The following PDE6A variants were observed in gnomAD, a reference collection of about 807,000 sequenced individuals.
PDE6A encodes rod cGMP-specific 3',5'-cyclic phosphodiesterase subunit alpha.
In PDE6A, 84 loss-of-function variants were observed where a neutral mutation model predicts 106.3. That is an observed-to-expected ratio of 0.79 (90% CI 0.66 to 0.95). PDE6A has a LOEUF of 0.95. Ranked by LOEUF, PDE6A falls within the 40% of genes least tolerant of loss-of-function variation. The pLI, the probability that PDE6A is intolerant of heterozygous loss-of-function variation, is 0.00. For synonymous variants in PDE6A, 394 were observed against 386.6 expected, an observed-to-expected ratio of 1.02 and a Z score of -0.23; for missense variants, 1,052 against 1,084.9, an observed-to-expected ratio of 0.97 and a Z score of 0.43.
At chr5:149,886,864 C>G (rs1004994723) in intron 13 of PDE6A, among the ~76,000 whole-genome samples, 2 of 152,200 alleles carry the variant, frequency 1.3e-5, no homozygotes, top group African/African-American at 4.8e-5. Flanking sequence ...CTTGTTGATG[C>G]TGGGTGTTGA....
At chr5:149,900,984 C>T (rs527953917) in intron 8 of PDE6A, among the ~76,000 whole-genome samples, 2 of 152,206 alleles carry the variant, frequency 1.3e-5, no homozygotes, top group South Asian at 2.1e-4. Context: ...GGCACTATCT[C>T]GGCTCATTGC....
rs1414649334 is a variant in PDE6A at position 149,860,570 on chromosome 5, A to C, written c.*325T>G. On this transcript the variant is annotated 3_prime_UTR_variant, in exon 22 of 22. Coordinates refer to ENST00000255266, the MANE Select transcript of PDE6A (RefSeq NM_000440.3). ...GTTCAACCCACGGCCCGTGGGCCACATGCAGCCCAGGACGGCTTTGAATGC... is the reference window on the plus strand; with the variant it reads ...GTTCAACCCACGGCCCGTGGGCCACCTGCAGCCCAGGACGGCTTTGAATGC... 4.1e-6 allele frequency: 1 copy of C among 245,934 alleles called. No individual in the cohort carries two copies. Among genetic ancestry groups the C allele is most frequent in the Non-Finnish European group, 7.9e-6 (1 of 126,920 alleles). The allele number at this position is 245,934 out of a possible 1,614,324, so 15.2% of individuals were successfully genotyped here.
chr5:149,920,993 A>AGAAAGAAAGAAG (rs1561769576), intron 5 of PDE6A, among the ~76,000 whole-genome samples: 2 of 99,196 alleles, frequency 2.0e-5, no homozygotes, highest in Non-Finnish European at 3.3e-5. Context: ...AAAGAAAGAA[A>AGAAAGAAAGAAG]GAAAAAGAAA....
intron 7 of PDE6A, among the ~76,000 whole-genome samples, chr5:149,904,324 A>G (rs1442720403): frequency 6.6e-6 from 1 of 152,218 alleles, no homozygotes; most frequent in Non-Finnish European, 1.5e-5. Flanking sequence ...ATAAACCCCA[A>G]AGTAGAATAA....
At chr5:149,922,572 A>G (rs1753754457) in intron 4 of PDE6A, among the ~76,000 whole-genome samples, 1 of 152,190 alleles carries the variant, frequency 6.6e-6, no homozygotes, top group Middle Eastern at 3.2e-3. Flanking sequence ...TCAGCCTCCC[A>G]AAGTGCTGGG....
intron 13 of PDE6A, among the ~76,000 whole-genome samples, chr5:149,892,147 TA>T (rs996904985): frequency 6.6e-6 from 1 of 152,044 alleles, no homozygotes; most frequent in African/African-American, 2.4e-5. Context: ...CCCATCTCTC[TA>T]AAAAACAAAA....
intron 13 of PDE6A, among the ~76,000 whole-genome samples, chr5:149,892,287 G>A (rs2113574091): frequency 6.6e-6 from 1 of 152,084 alleles, no homozygotes; most frequent in East Asian, 1.9e-4. Flanking sequence ...CTGCTTTCCG[G>A]ACTGGGCAAC....
intron 5 of PDE6A, among the ~76,000 whole-genome samples, chr5:149,920,158 T>C (rs1384535522): frequency 6.6e-6 from 1 of 151,890 alleles, no homozygotes. Context: ...CAAGACCTCA[T>C]CTCTATATAA....
chr5:149,873,765 C>T (rs541787930), intron 17 of PDE6A, among the ~76,000 whole-genome samples: 1 of 152,130 alleles, frequency 6.6e-6, no homozygotes, highest in Non-Finnish European at 1.5e-5. Flanking sequence ...TTTGGTCAGA[C>T]TGTCAGAAGC....
intron 13 of PDE6A, among the ~76,000 whole-genome samples, chr5:149,893,340 C>T (rs370790199): frequency 5.2e-4 from 79 of 152,272 alleles, no homozygotes; most frequent in Admixed American, 3.1e-3. Context: ...TGGACTCCTT[C>T]GGGTAAAGCT....
intron 2 of PDE6A, 29 bp from the exon 3 acceptor site, chr5:149,934,048 A>G (rs768302464): frequency 6.3e-6 from 8 of 1,263,418 alleles, no homozygotes; most frequent in Middle Eastern, 1.8e-4. Context: ...GAGGGGAGGC[A>G]GGTGAGAAGA....
chr5:149,885,409 G>T (rs955428553), intron 14 of PDE6A, among the ~76,000 whole-genome samples: 3 of 152,212 alleles, frequency 2.0e-5, no homozygotes, highest in Non-Finnish European at 4.4e-5. Flanking sequence ...ATTAGCCCCT[G>T]CTCTGCCCAG....
At chr5:149,937,320 G>A (rs1754211749) in intron 1 of PDE6A, among the ~76,000 whole-genome samples, 1 of 152,226 alleles carries the variant, frequency 6.6e-6, no homozygotes, top group South Asian at 2.1e-4. Context: ...GCAGGCAGGG[G>A]CCAGATCCAG....
At chr5:149,873,999 C>T (rs1760649449) in intron 17 of PDE6A, among the ~76,000 whole-genome samples, 1 of 150,508 alleles carries the variant, frequency 6.6e-6, no homozygotes, top group Non-Finnish European at 1.5e-5. Flanking sequence ...GAGCAAGACC[C>T]TGTCTCTAAA....
intron 2 of PDE6A, 138 bp downstream of exon 2, chr5:149,934,428 C>A (rs1254181710): frequency 1.2e-6 from 1 of 846,566 alleles, no homozygotes; most frequent in East Asian, 2.4e-5. Context: ...TATCCTGCCT[C>A]CCTCAGAGAA....
At chr5:149,895,355 A>C in intron 12 of PDE6A, 65 bp from the exon 13 acceptor site, 1 of 1,107,962 alleles carries the variant, frequency 9.0e-7, no homozygotes, top group Non-Finnish European at 1.4e-6. Flanking sequence ...GGTTGGAATA[A>C]CAAAAATATG....
chr5:149,902,338 C>T (rs746331447), intron 8 of PDE6A, among the ~76,000 whole-genome samples: 2 of 151,986 alleles, frequency 1.3e-5, no homozygotes, highest in Non-Finnish European at 2.9e-5. Flanking sequence ...CCAGCGATGC[C>T]CCTCCTCTCC....
At chr5:149,886,422 GAAGCAGGGCTGA>G (rs1438198067) in intron 13 of PDE6A, 48 bp from the exon 14 acceptor site, 1 of 1,431,648 alleles carries the variant, frequency 7.0e-7, no homozygotes, top group East Asian at 2.3e-5. Context: ...GTAGGGGCTG[GAAGCAGGGCTGA>G]AAAGGCGGGT....
At chr5:149,900,991 T>C (rs972152637) in intron 8 of PDE6A, among the ~76,000 whole-genome samples, 8 of 152,046 alleles carry the variant, frequency 5.3e-5, no homozygotes, top group Non-Finnish European at 1.2e-4. Flanking sequence ...TCTCGGCTCA[T>C]TGCAACCTCC....
Sources: allele counts gnomAD v4.1 joint callset (sites outside exome capture counted in the v4.1 genomes callset), GRCh38; gene constraint gnomAD v4.1.1; transcripts MANE v1.5; gene names NCBI Gene and HGNC (gene_info 2026-07-23, HGNC 2026-07-21).